Variants in PLPPR5 observed in about 807,000 individuals in gnomAD.
The protein encoded by PLPPR5 is phospholipid phosphatase-related protein type 5.
In PLPPR5, 16 loss-of-function variants were observed where a neutral mutation model predicts 33.9. The ratio of observed to expected loss-of-function variants is 0.47; its 90% confidence interval spans 0.32 to 0.72. The LOEUF is 0.72. Ranked by LOEUF, PLPPR5 falls within the 30% of genes least tolerant of loss-of-function variation. The pLI, the probability that PLPPR5 is intolerant of heterozygous loss-of-function variation, is 0.03. For missense variants in PLPPR5, 301 were observed against 406.7 expected (o/e 0.74, Z 2.23); for synonymous variants, 163 against 150.3 (o/e 1.08, Z -0.62).
chr1:98,981,825 T>C (rs1285324885), intron 1 of PLPPR5, among the ~76,000 whole-genome samples: 1 of 152,076 alleles, frequency 6.6e-6, no homozygotes, highest in Non-Finnish European at 1.5e-5. Context: ...ATTTCACAAA[T>C]TAGGAAATCC....
chr1:98,922,567 C>T (rs918297479), intron 3 of PLPPR5, among the ~76,000 whole-genome samples: 1 of 152,154 alleles, frequency 6.6e-6, no homozygotes, highest in Non-Finnish European at 1.5e-5. Context: ...TTCTACCAAA[C>T]AGATGTTACT....
intron 1 of PLPPR5, among the ~76,000 whole-genome samples, chr1:98,996,599 T>G (rs1248725697): frequency 6.6e-6 from 1 of 152,122 alleles, no homozygotes; most frequent in African/African-American, 2.4e-5. Context: ...CTTAGGATTT[T>G]CCAAAGTCTG....
chr1:98,937,368 A>G (rs1650208757), intron 3 of PLPPR5, among the ~76,000 whole-genome samples: 2 of 152,148 alleles, frequency 1.3e-5, no homozygotes, highest in Admixed American at 6.5e-5. Flanking sequence ...GTAGAGTCCA[A>G]TTCCCCTCCC....
At chr1:98,928,634 G>A (rs1384702653) in intron 3 of PLPPR5, among the ~76,000 whole-genome samples, 1 of 140,504 alleles carries the variant, frequency 7.1e-6, no homozygotes, top group Non-Finnish European at 1.5e-5. Context: ...AATTTAAAGG[G>A]TACGCAAAAT....
chr1:98,951,194 C>T lies in PLPPR5; in HGVS notation c.621+1876G>A, dbSNP rs563081456. On this transcript the variant is annotated intron_variant, in intron 3 of 5. Transcript: ENST00000263177. ...GCAATGAGTGAAAAGTACTTTGTGA[C>T]TTCTGATTCACTCAAGTTTCAATCC... Among the ~76,000 whole-genome samples, 7 of 152,274 alleles carry T rather than the reference C, an allele frequency of 4.6e-5. No individual in the cohort carries two copies. The South Asian group carries it at 1.5e-3, about 32-fold the overall frequency.
chr1:98,936,288 G>T (rs1650166937), intron 3 of PLPPR5, among the ~76,000 whole-genome samples: 1 of 152,072 alleles, frequency 6.6e-6, no homozygotes, highest in Admixed American at 6.6e-5. Flanking sequence ...AGAGTTAAAA[G>T]GTCCTAAGTT....
intron 4 of PLPPR5, among the ~76,000 whole-genome samples, chr1:98,921,658 C>T (rs1248481092): frequency 6.6e-6 from 1 of 152,090 alleles, no homozygotes; most frequent in African/African-American, 2.4e-5. Flanking sequence ...CAACTTTAAG[C>T]ATAGGATTTG....
chr1:98,960,320 C>T (rs1018538530), intron 1 of PLPPR5, among the ~76,000 whole-genome samples: 4 of 152,098 alleles, frequency 2.6e-5, no homozygotes, highest in Non-Finnish European at 5.9e-5. Flanking sequence ...TCTCCTGTCT[C>T]AGCCTCCCAA....
At chr1:98,960,268 C>T (rs1313679751) in intron 1 of PLPPR5, among the ~76,000 whole-genome samples, 2 of 151,802 alleles carry the variant, frequency 1.3e-5, no homozygotes, top group South Asian at 2.1e-4. Context: ...CAGTGGCGCA[C>T]TCTTGGCTCA....
chr1:98,899,173 TG>T (rs1441987027), intron 5 of PLPPR5, among the ~76,000 whole-genome samples: 1 of 152,110 alleles, frequency 6.6e-6, no homozygotes, highest in East Asian at 1.9e-4. Context: ...ATGATTGTAA[TG>T]TAGAGCCAAT....
intron 3 of PLPPR5, among the ~76,000 whole-genome samples, chr1:98,952,249 C>T (rs187537832): frequency 0.017 from 2,050 of 123,494 alleles, 17 homozygotes; most frequent in Admixed American, 0.022. Flanking sequence ...GGTGACAGAG[C>T]GAGACTCCGT....
chr1:98,981,789 G>A (rs1195540972), intron 1 of PLPPR5, among the ~76,000 whole-genome samples: 2 of 152,030 alleles, frequency 1.3e-5, no homozygotes, highest in Non-Finnish European at 2.9e-5. Flanking sequence ...ATGATAAGGG[G>A]AGAAGCTAAT....
intron 1 of PLPPR5, among the ~76,000 whole-genome samples, chr1:98,998,383 G>C (rs1652703308): frequency 6.6e-6 from 1 of 152,162 alleles, no homozygotes; most frequent in Non-Finnish European, 1.5e-5. Flanking sequence ...ACTGAGATGA[G>C]ACACATGCCT....
In PLPPR5 at chr1:98,890,709, A is replaced by G. The variant is rs900001753; in HGVS notation, c.*2363T>C. On this transcript the variant is annotated 3_prime_UTR_variant, in exon 6 of 6. Coordinates refer to ENST00000263177, the MANE Select transcript of PLPPR5 (RefSeq NM_001037317.2). ...ATTATTCTCAGTAACAGCATCATGAATAAGGGCTATTTTCTGGCTTTTGCC... is the reference window on the plus strand; with the variant it reads ...ATTATTCTCAGTAACAGCATCATGAGTAAGGGCTATTTTCTGGCTTTTGCC... 6.6e-6 allele frequency: 1 copy of G among 152,584 alleles called. No homozygotes were observed. Among genetic ancestry groups the G allele is most frequent in the African/African-American group, 2.4e-5 (1 of 41,452 alleles). The allele number at this position is 152,584 out of a possible 1,614,324, so 9.5% of individuals were successfully genotyped here.
intron 1 of PLPPR5, among the ~76,000 whole-genome samples, chr1:99,001,677 T>G (rs1422284830): frequency 1.5e-5 from 2 of 135,264 alleles, no homozygotes; most frequent in East Asian, 2.2e-4. Flanking sequence ...TAAAGATATA[T>G]ATATATATAT....
intron 3 of PLPPR5, among the ~76,000 whole-genome samples, chr1:98,924,957 A>G (rs1003130120): frequency 6.6e-6 from 1 of 152,224 alleles, no homozygotes; most frequent in Non-Finnish European, 1.5e-5. Flanking sequence ...GTGCTTTATA[A>G]TGCACAAATT....
chr1:98,903,805 T>C (rs2101138413), intron 5 of PLPPR5, among the ~76,000 whole-genome samples: 1 of 152,284 alleles, frequency 6.6e-6, no homozygotes, highest in South Asian at 2.1e-4. Context: ...AAGTGATTTG[T>C]CTAACTCCAC....
At chr1:98,913,641 T>C (rs183577739) in intron 5 of PLPPR5, among the ~76,000 whole-genome samples, 209 of 152,354 alleles carry the variant, frequency 1.4e-3, no homozygotes, top group African/African-American at 4.9e-3. Context: ...CACTGAAGAA[T>C]TTTTATTCCT....
chr1:98,906,966 T>C (rs948063475), intron 5 of PLPPR5, among the ~76,000 whole-genome samples: 1 of 152,156 alleles, frequency 6.6e-6, no homozygotes, highest in Non-Finnish European at 1.5e-5. Context: ...TAATTCTCAT[T>C]TTTTATTATA....
Sources: gnomAD v4.1 joint callset for allele counts (sites outside exome capture counted in the v4.1 genomes callset) on GRCh38, gnomAD v4.1.1 for gene constraint, MANE v1.5 for transcripts, NCBI Gene and HGNC (gene_info 2026-07-23, HGNC 2026-07-21) for gene names.